The following FOXP2 variants were observed in gnomAD, a reference collection of about 807,000 sequenced individuals.
FOXP2 encodes the protein forkhead box P2, also known as forkhead box protein P2.
Under a neutral mutation model 115.8 loss-of-function variants are expected in FOXP2, and 12 were observed. The ratio of observed to expected loss-of-function variants is 0.10; its 90% CI spans 0.07 to 0.17. FOXP2 has a LOEUF of 0.17. FOXP2 is among the 10% of genes least tolerant of loss of function. FOXP2 has a pLI of 1.00. For synonymous variants in FOXP2, 328 were observed against 297.7 expected (o/e 1.10, Z -1.05); for missense variants, 629 against 843.5 (o/e 0.75, Z 3.15).
In FOXP2 at chr7:114,236,014, G is replaced by A. The variant is rs183946386; in HGVS notation, c.-101-52005G>A. Reference sequence around the variant, plus strand: ...TGACAGTTACTTCCCTATTAGATTCGAAGCTCCTTGGGAGAAACATCTATC... The same window carrying A: ...TGACAGTTACTTCCCTATTAGATTCAAAGCTCCTTGGGAGAAACATCTATC... On this transcript the variant is annotated intron_variant, in intron 1 of 17. Coordinates refer to the FOXP2 transcript ENST00000634411. Among the ~76,000 whole-genome samples, 226 of 152,110 alleles carry A rather than the reference G, an allele frequency of 1.5e-3. 1 individual carries two copies. Among genetic ancestry groups the A allele is most frequent in the African/African-American group, 4.7e-3 (196 of 41,500 alleles).
chr7:114,621,489 A>C (rs1401867638), intron 3 of FOXP2, among the ~76,000 whole-genome samples: 1 of 152,056 alleles, frequency 6.6e-6, no homozygotes, highest in Non-Finnish European at 1.5e-5. Context: ...CATTCACGAA[A>C]AAGTAATTGC....
chr7:114,358,743 T>C (rs985704679), intron 2 of FOXP2, among the ~76,000 whole-genome samples: 6 of 152,180 alleles, frequency 3.9e-5, no homozygotes, highest in African/African-American at 1.4e-4. Context: ...ATTTAGGGTA[T>C]CTGGCAGAAG....
chr7:114,664,145 T>C, intron 15 of FOXP2, 128 bp from the exon 16 acceptor site: 1 of 1,093,828 alleles, frequency 9.1e-7, no homozygotes, highest in South Asian at 1.4e-5. Flanking sequence ...TTTTTTTCAA[T>C]ACATTTTCTT....
intron 2 of FOXP2, among the ~76,000 whole-genome samples, chr7:114,349,485 A>G (rs1046716253): frequency 1.3e-5 from 2 of 152,150 alleles, no homozygotes; most frequent in African/African-American, 4.8e-5. Flanking sequence ...TCTTCCCATT[A>G]GATGAAAGAG....
chr7:114,193,808 A>G (rs1453898104), intron 1 of FOXP2, among the ~76,000 whole-genome samples: 1 of 152,166 alleles, frequency 6.6e-6, no homozygotes, highest in Non-Finnish European at 1.5e-5. Flanking sequence ...TTCACCACAA[A>G]ATAAGTTAAT....
At chr7:114,616,367 T>A (rs1254043640) in intron 3 of FOXP2, among the ~76,000 whole-genome samples, 5 of 152,198 alleles carry the variant, frequency 3.3e-5, no homozygotes, top group Admixed American at 6.5e-5. Context: ...TTCACCACGT[T>A]GGCCAAGCTG....
intron 16 of FOXP2, among the ~76,000 whole-genome samples, chr7:114,679,245 G>A (rs956950492): frequency 5.3e-5 from 8 of 151,916 alleles, no homozygotes; most frequent in African/African-American, 1.5e-4. Flanking sequence ...GATTACAGGC[G>A]TGAACCACCA....
At chr7:114,656,539 G>T in intron 10 of FOXP2, 1 of 444,370 alleles carries the variant, frequency 2.3e-6, no homozygotes, top group Admixed American at 2.5e-5. Context: ...TACACCAGTG[G>T]CTTTGTAAAT....
chr7:114,176,579 G>A (rs1025514717), intron 1 of FOXP2, among the ~76,000 whole-genome samples: 7 of 151,586 alleles, frequency 4.6e-5, no homozygotes, highest in Admixed American at 3.3e-4. Flanking sequence ...GGTCTCAAGT[G>A]ATTTGCCCTC....
At chr7:114,204,447 C>G (rs1336678396) in intron 1 of FOXP2, among the ~76,000 whole-genome samples, 1 of 152,126 alleles carries the variant, frequency 6.6e-6, no homozygotes, top group Non-Finnish European at 1.5e-5. Context: ...AGTCTGAGAA[C>G]TGAGTCAGTA....
At chr7:114,456,222 G>A (rs148858602) in intron 2 of FOXP2, among the ~76,000 whole-genome samples, 96 of 152,274 alleles carry the variant, frequency 6.3e-4, no homozygotes, top group Non-Finnish European at 1.0e-3. Context: ...GAAGGGGTTA[G>A]GTCAAACATG....
intron 2 of FOXP2, among the ~76,000 whole-genome samples, chr7:114,386,407 T>G (rs1268370376): frequency 6.6e-6 from 1 of 152,188 alleles, no homozygotes; most frequent in African/African-American, 2.4e-5. Context: ...AAAAATGTAC[T>G]AATAGTGTAA....
chr7:114,533,270 G>A (rs1799229283), intron 2 of FOXP2, among the ~76,000 whole-genome samples: 1 of 151,892 alleles, frequency 6.6e-6, no homozygotes, highest in Non-Finnish European at 1.5e-5. Flanking sequence ...ATGTCTGCCT[G>A]CCTTCTCAGA....
At chr7:114,586,663 G>T (rs1802151127) in intron 3 of FOXP2, among the ~76,000 whole-genome samples, 1 of 151,920 alleles carries the variant, frequency 6.6e-6, no homozygotes, top group South Asian at 2.1e-4. Context: ...ATGAATTTAA[G>T]TTATTTCTGT....
chr7:114,095,776 T>G lies in FOXP2; in HGVS notation c.-247+7938T>G, dbSNP rs147600805. On this transcript the variant is annotated intron_variant, in intron 1 of 19. Transcript: ENST00000635638. ...GGAGTGGATAAGCTGTTTGATAAACTTCGTCTTTTTAAAATTAGAGCTCTC... is the reference window on the plus strand; with the variant it reads ...GGAGTGGATAAGCTGTTTGATAAACGTCGTCTTTTTAAAATTAGAGCTCTC... 5.3e-3 allele frequency among the ~76,000 whole-genome samples: 802 copies of G among 152,314 alleles called. 7 individuals carry two copies. Among genetic ancestry groups the G allele is most frequent in the African/African-American group, 0.019 (769 of 41,548 alleles).
chr7:114,240,088 C>T (rs145531815), intron 1 of FOXP2, among the ~76,000 whole-genome samples: 16 of 152,204 alleles, frequency 1.1e-4, no homozygotes, highest in African/African-American at 2.9e-4. Flanking sequence ...AAAATATTCA[C>T]GTGATCAAGA....
intron 3 of FOXP2, among the ~76,000 whole-genome samples, chr7:114,609,110 G>A (rs1050855907): frequency 2.6e-5 from 4 of 151,880 alleles, no homozygotes; most frequent in Non-Finnish European, 2.9e-5. Context: ...CTGCCTGAGA[G>A]GTTGAAGCAA....
At chr7:114,415,615 G>T (rs980535604) in intron 1 of FOXP2, among the ~76,000 whole-genome samples, 15 of 151,786 alleles carry the variant, frequency 9.9e-5, no homozygotes, top group Admixed American at 5.3e-4. Flanking sequence ...AATAAAGAAG[G>T]CCTCTTTTGT....
At chr7:114,229,266 T>C (rs563866713) in intron 1 of FOXP2, among the ~76,000 whole-genome samples, 2 of 151,408 alleles carry the variant, frequency 1.3e-5, no homozygotes, top group South Asian at 4.1e-4. Context: ...CCTAAATATA[T>C]GATGCAAACA....
Sources: gnomAD v4.1 joint callset for allele counts (sites outside exome capture counted in the v4.1 genomes callset) on GRCh38, gnomAD v4.1.1 for gene constraint, MANE v1.5 for transcripts, NCBI Gene and HGNC (gene_info 2026-07-23, HGNC 2026-07-21) for gene names.